Variants in ASTN1 observed in about 807,000 individuals in gnomAD.
ASTN1 encodes astrotactin 1, also known as astrotactin-1.
Under a neutral mutation model 140.7 loss-of-function variants are expected in ASTN1, and 41 were observed. The ratio of observed to expected loss-of-function variants is 0.29; its 90% CI spans 0.23 to 0.38. The LOEUF (loss-of-function observed/expected upper bound fraction) is 0.38. Ranked by LOEUF, ASTN1 falls within the 10% of genes least tolerant of loss-of-function variation. The pLI is 1.00. For missense variants in ASTN1, 1,479 were observed against 1,678.8 expected, an observed-to-expected ratio of 0.88 and a Z score of 2.08; for synonymous variants, 640 against 652.2, an observed-to-expected ratio of 0.98 and a Z score of 0.29.
Position 177,114,420 on chromosome 1 carries a change from CAT to C in ASTN1, c.283+49972_283+49973del, listed in dbSNP as rs533026030. Among the ~76,000 whole-genome samples, 37 of 150,054 alleles carry C rather than the reference CAT, an allele frequency of 2.5e-4. No homozygotes were observed. In the East Asian group the frequency reaches 4.7e-3, roughly 19 times the overall value. On this transcript the variant is annotated intron_variant, in intron 1 of 22. Coordinates refer to ENST00000361833, the MANE Select transcript of ASTN1 (RefSeq NM_004319.3). ...GATTTCACATGACATGAATGGTGCA[CAT>C]ATATATATATATAGTTTTTTAATTA...
intron 16 of ASTN1, among the ~76,000 whole-genome samples, chr1:176,933,021 A>C (rs1173921044): frequency 1.3e-5 from 2 of 152,226 alleles, no homozygotes; most frequent in Admixed American, 1.3e-4. Flanking sequence ...AAGATCCTAA[A>C]GTTTGAAGAG....
intron 1 of ASTN1, among the ~76,000 whole-genome samples, chr1:177,086,613 A>G (rs1679481496): frequency 6.6e-6 from 1 of 152,242 alleles, no homozygotes; most frequent in Admixed American, 6.5e-5. Context: ...ACATTTAATG[A>G]CATGACAAAT....
chr1:177,139,197 A>G (rs980531823), intron 1 of ASTN1, among the ~76,000 whole-genome samples: 1 of 152,228 alleles, frequency 6.6e-6, no homozygotes, highest in Admixed American at 6.5e-5. Flanking sequence ...ACAAGATGGT[A>G]CCTCTTATAC....
chr1:177,108,266 TTGGACCCGGGAGG>T (rs1680643946), intron 1 of ASTN1, among the ~76,000 whole-genome samples: 1 of 150,328 alleles, frequency 6.7e-6, no homozygotes, highest in Non-Finnish European at 1.5e-5. Context: ...GGAGAATCGC[TTGGACCCGGGAGG>T]TGGAGGTTGC....
At position 176,894,732 on chromosome 1, in the gene ASTN1, G is replaced by T. The variant is rs759502995; in HGVS notation, c.2770C>A (p.His924Asn). 1 of 1,614,144 alleles carries T rather than the reference G, an allele frequency of 6.2e-7. No homozygotes were observed. The highest frequency in any genetic ancestry group is 8.5e-7 in the Non-Finnish European group (1 of 1,180,030). The change falls in exon 17 of 23, where the codon CAC becomes AAC. Residue 924 changes from histidine to asparagine, a missense_variant. Physicochemically the swap from His to Asn is moderately conservative, Grantham distance 68. This residue lies in a region of ASTN1 where 746 missense variants were observed against 800.9 expected (regional missense o/e 0.93). Transcript: ENST00000361833. ...ITSLSDSGTK[H>N]MAAGVRMECH... ...TCCATGCGGACTCCAGCCGCCATGT[G>T]CTTGGTGCCGGAGTCTGACAAGCTG... is the stretch of plus-strand genomic sequence containing the variant.
At chr1:177,049,149 C>T (rs1375223506) in intron 2 of ASTN1, among the ~76,000 whole-genome samples, 1 of 152,124 alleles carries the variant, frequency 6.6e-6, no homozygotes, top group East Asian at 1.9e-4. Context: ...TCCCATATGT[C>T]CTTCACTTTC....
intron 12 of ASTN1, among the ~76,000 whole-genome samples, chr1:176,946,448 A>G (rs1437768821): frequency 6.6e-6 from 1 of 152,204 alleles, no homozygotes; most frequent in African/African-American, 2.4e-5. Context: ...CTTGCAAATG[A>G]GTTAGCACAT....
chr1:177,121,347 G>C (rs114928899), intron 1 of ASTN1, among the ~76,000 whole-genome samples: 1 of 152,086 alleles, frequency 6.6e-6, no homozygotes, highest in Non-Finnish European at 1.5e-5. Flanking sequence ...AAAATGGAAC[G>C]AGGGGCCCTG....
chr1:176,896,783 A>T (rs187504443), intron 16 of ASTN1, among the ~76,000 whole-genome samples: 2 of 152,270 alleles, frequency 1.3e-5, no homozygotes, highest in Admixed American at 6.5e-5. Context: ...AAATCCTTAC[A>T]ACCAGTGCCT....
intron 8 of ASTN1, among the ~76,000 whole-genome samples, chr1:176,992,440 G>T (rs1249061245): frequency 6.6e-6 from 1 of 151,734 alleles, no homozygotes; most frequent in African/African-American, 2.4e-5. Flanking sequence ...CTTGAACGTT[G>T]TAAAAAAAAA....
chr1:177,046,005 A>T (rs1470322008), intron 2 of ASTN1, among the ~76,000 whole-genome samples: 1 of 152,226 alleles, frequency 6.6e-6, no homozygotes, highest in African/African-American at 2.4e-5. Context: ...GTTTCTGCAG[A>T]GTGACTACAG....
chr1:177,076,847 A>G (rs747315347), intron 1 of ASTN1, among the ~76,000 whole-genome samples: 3 of 152,122 alleles, frequency 2.0e-5, no homozygotes, highest in Admixed American at 6.5e-5. Context: ...ACTGCGTTAT[A>G]GATGATAAAG....
At chr1:177,045,772 G>A (rs144131241) in intron 2 of ASTN1, among the ~76,000 whole-genome samples, 78 of 152,226 alleles carry the variant, frequency 5.1e-4, no homozygotes, top group African/African-American at 1.7e-3. Context: ...TAACCTGAAC[G>A]TTAATCTAAC....
At chr1:176,917,115 C>T (rs2103068073) in intron 16 of ASTN1, among the ~76,000 whole-genome samples, 1 of 152,362 alleles carries the variant, frequency 6.6e-6, no homozygotes, top group African/African-American at 2.4e-5. Flanking sequence ...CCATCCAGAT[C>T]TGGAGCCTCC....
chr1:177,125,888 T>C (rs530578063), intron 1 of ASTN1, among the ~76,000 whole-genome samples: 5 of 152,358 alleles, frequency 3.3e-5, no homozygotes, highest in African/African-American at 1.2e-4. Flanking sequence ...CCACCCACTA[T>C]ATTAAGTAAT....
intron 1 of ASTN1, among the ~76,000 whole-genome samples, chr1:177,120,793 C>A (rs960872302): frequency 2.6e-5 from 4 of 152,154 alleles, no homozygotes; most frequent in African/African-American, 7.2e-5. Context: ...TGAGTCCAGG[C>A]ACCAGAAAGG....
chr1:176,893,734 C>T (rs1571468921), intron 17 of ASTN1, among the ~76,000 whole-genome samples: 1 of 152,126 alleles, frequency 6.6e-6, no homozygotes, highest in Non-Finnish European at 1.5e-5. Context: ...GCTGCCTTTG[C>T]CATAGTTCCA....
chr1:176,880,418 A>G (rs1668748373), intron 20 of ASTN1, among the ~76,000 whole-genome samples: 1 of 152,002 alleles, frequency 6.6e-6, no homozygotes, highest in South Asian at 2.1e-4. Flanking sequence ...ACACGTCCGG[A>G]AAGAGAGCAG....
chr1:177,109,568 T>C (rs1680714766), intron 1 of ASTN1, among the ~76,000 whole-genome samples: 1 of 152,184 alleles, frequency 6.6e-6, no homozygotes, highest in South Asian at 2.1e-4. Context: ...GTATATTATC[T>C]ATAAAATTAA....
Sources: allele counts gnomAD v4.1 joint callset (sites outside exome capture counted in the v4.1 genomes callset), GRCh38; gene constraint gnomAD v4.1.1; regional missense constraint gnomAD v4.1.1; transcripts MANE v1.5; gene names NCBI Gene and HGNC (gene_info 2026-07-23, HGNC 2026-07-21).